CYP2U1: variants seen among roughly 807,000 people sequenced by gnomAD.
CYP2U1 encodes cytochrome P450 2U1.
In CYP2U1, 28 loss-of-function variants were observed where a neutral mutation model predicts 42.8. The ratio of observed to expected loss-of-function variants is 0.65; its 90% CI spans 0.48 to 0.90. The LOEUF (loss-of-function observed/expected upper bound fraction) is 0.90. Among genes scored for constraint, CYP2U1 ranks in the 40% least tolerant of loss-of-function variants. The pLI, the probability that CYP2U1 is intolerant of heterozygous loss-of-function variation, is 0.00. For synonymous variants in CYP2U1, 296 were observed against 278.9 expected, an observed-to-expected ratio of 1.06 and a Z score of -0.61; for missense variants, 642 against 693.8, an observed-to-expected ratio of 0.93 and a Z score of 0.84.
intron 1 of CYP2U1, among the ~76,000 whole-genome samples, chr4:107,944,483 T>G (rs1321074911): frequency 6.6e-6 from 1 of 151,060 alleles, no homozygotes; most frequent in Non-Finnish European, 1.5e-5. Context: ...TTTTTTTTTT[T>G]TAAATAGAGA....
intron 1 of CYP2U1, chr4:107,935,630 G>A (rs1428774384): frequency 2.0e-5 from 3 of 152,214 alleles, no homozygotes; most frequent in Admixed American, 6.5e-5. Context: ...AAGGGAGGAT[G>A]TGAATTTATT....
intron 1 of CYP2U1, among the ~76,000 whole-genome samples, chr4:107,942,614 A>G (rs1390968162): frequency 6.6e-6 from 1 of 152,202 alleles, no homozygotes; most frequent in Non-Finnish European, 1.5e-5. Context: ...AAGCCTGTAA[A>G]CTGGCCCACC....
chr4:107,949,357 A>G lies in CYP2U1; in HGVS notation c.1296A>G (p.Gln432=). 2 of 1,539,374 alleles carry G rather than the reference A, an allele frequency of 1.3e-6. No homozygotes were observed. Among genetic ancestry groups the G allele is most frequent in the Non-Finnish European group, 1.8e-6 (2 of 1,142,122 alleles). Residue 432 remains glutamine (Q), a synonymous_variant, in exon 4 of 5, where the codon CAA becomes CAG. Transcript: ENST00000332884. ...TGTTTCCTTTTGTTTTAGTGCTCCA[A>G]GGGTATACCATTCCTAAAGGCACAT... ...PHMTSENTVL[Q]GYTIPKGTLI... is the part of the protein sequence containing the mutation.
rs770399433 is a variant in CYP2U1, at chr4:107,947,548, G to T, written c.1288+11G>T. 5.0e-6 allele frequency: 8 copies of T among 1,613,408 alleles called. No homozygotes were observed. In the African/African-American group the frequency reaches 6.7e-5, roughly 13 times the overall value. ...CCTCAGAGAACACAGGCAAGTCCAG[G>T]GTCTTCCTCTTTGAATGCCCTTGAC... is the stretch of plus-strand genomic sequence containing the variant. On this transcript the variant is annotated intron_variant, in intron 3 of 4. Transcript: ENST00000332884.
At chr4:107,939,821 T>C (rs1314521010) in intron 1 of CYP2U1, among the ~76,000 whole-genome samples, 3 of 152,110 alleles carry the variant, frequency 2.0e-5, no homozygotes, top group Non-Finnish European at 4.4e-5. Context: ...GTAGATGATC[T>C]AGAGAGCCTT....
intron 1 of CYP2U1, chr4:107,937,307 A>C (rs1284101466): frequency 6.6e-6 from 1 of 152,212 alleles, no homozygotes; most frequent in African/African-American, 2.4e-5. Flanking sequence ...ATGTAATAAA[A>C]TAGGTATTTG....
intron 2 of CYP2U1, 118 bp downstream of exon 2, chr4:107,945,723 A>T (rs952652769): frequency 7.6e-7 from 1 of 1,312,406 alleles, no homozygotes; most frequent in Non-Finnish European, 1.0e-6. Flanking sequence ...TGGCAAACAA[A>T]TACTTGCAAC....
At position 107,952,048 on chromosome 4, in the gene CYP2U1, A is replaced by G. The variant is rs995811154; in HGVS notation, c.*1625A>G. On this transcript the variant is annotated 3_prime_UTR_variant, in exon 5 of 5. Transcript: ENST00000332884. ...GCTGGAGTTGTGTGTGTCTGTCTTC[A>G]TCCCAGGCTGAGCTCCTTGAGGTGA... 1 of 152,300 alleles carries G rather than the reference A, an allele frequency of 6.6e-6. No homozygotes were observed. Among genetic ancestry groups the G allele is most frequent in the African/African-American group, 2.4e-5 (1 of 41,426 alleles). 9.4% of individuals were successfully genotyped at this position (152,300 alleles called of 1,614,324 possible).
rs1733699137 is a variant in CYP2U1 at position 107,946,424 on chromosome 4, A to C, written c.1126+819A>C. Reference sequence around the variant, plus strand: ...TGGGCACACCCAGGTGACCAAGGATAATCTTCCAATCTCTGTGTCCTTAAG... The same window carrying C: ...TGGGCACACCCAGGTGACCAAGGATCATCTTCCAATCTCTGTGTCCTTAAG... On this transcript the variant is annotated intron_variant, in intron 2 of 4. Transcript: ENST00000332884. 2.0e-5 allele frequency among the ~76,000 whole-genome samples: 3 copies of C among 152,204 alleles called. No individual in the cohort carries two copies. The South Asian group carries it at 6.2e-4, about 32-fold the overall frequency.
In CYP2U1 at chr4:107,931,551, A is replaced by T; in HGVS notation, c.-93A>T. 1 of 1,173,252 alleles carries T rather than the reference A, an allele frequency of 8.5e-7. No homozygotes were observed. Among genetic ancestry groups the T allele is most frequent in the Non-Finnish European group, 1.1e-6 (1 of 942,340 alleles). The allele number at this position is 1,173,252 out of a possible 1,614,324, so 72.7% of individuals were successfully genotyped here. On this transcript the variant is annotated 5_prime_UTR_variant, in exon 1 of 5. Coordinates refer to ENST00000332884, the MANE Select transcript of CYP2U1 (RefSeq NM_183075.3). ...CCCCTGCCCGCCCCCGACCTTCCAGAGCAGAGCAGGACACTGGCGCCGCGG... is the reference window on the plus strand; with the variant it reads ...CCCCTGCCCGCCCCCGACCTTCCAGTGCAGAGCAGGACACTGGCGCCGCGG...
Position 107,932,152 on chromosome 4 carries a change from G to T in CYP2U1, c.490+19G>T. The T allele has an allele frequency of 6.3e-7, 1 of 1,595,024 alleles. No individual in the cohort carries two copies. ...GAGAAGGGTGAGCGGGAGGTCGTGG[G>T]CTGTGGGTACGCGGATGCCGCGGAT... On this transcript the variant is annotated intron_variant, in intron 1 of 4. Transcript: ENST00000332884.
chr4:107,943,371 AAG>A (rs1733567215), intron 1 of CYP2U1, among the ~76,000 whole-genome samples: 1 of 152,228 alleles, frequency 6.6e-6, no homozygotes, highest in South Asian at 2.1e-4. Context: ...AATTCTGAGG[AAG>A]TCCAATGGTA....
In CYP2U1 at chr4:107,951,543, A is replaced by C. The variant is rs1733905223; in HGVS notation, c.*1120A>C. On this transcript the variant is annotated 3_prime_UTR_variant, in exon 5 of 5. Coordinates refer to ENST00000332884, the MANE Select transcript of CYP2U1 (RefSeq NM_183075.3). Reference sequence around the variant, plus strand: ...GGGAGTTTGGAAATGTGTGGGTATGATTCTTGGTTATCATAATGATGGGGG... The same window carrying C: ...GGGAGTTTGGAAATGTGTGGGTATGCTTCTTGGTTATCATAATGATGGGGG... The C allele has an allele frequency of 6.6e-6, 1 of 152,214 alleles. No homozygotes were observed. The highest frequency in any genetic ancestry group is 1.5e-5 in the Non-Finnish European group (1 of 68,082). The allele number at this position is 152,214 out of a possible 1,614,324, so 9.4% of individuals were successfully genotyped here.
chr4:107,946,142 C>T (rs1733691189), intron 2 of CYP2U1, among the ~76,000 whole-genome samples: 1 of 152,196 alleles, frequency 6.6e-6, no homozygotes, highest in Non-Finnish European at 1.5e-5. Context: ...TCTTAGAGTT[C>T]TATACATTCT....
At chr4:107,934,248 A>G (rs1445696149) in intron 1 of CYP2U1, among the ~76,000 whole-genome samples, 1 of 148,666 alleles carries the variant, frequency 6.7e-6, no homozygotes, top group African/African-American at 2.5e-5. Context: ...GTACCCTGAG[A>G]TGCTTCCCTA....
intron 1 of CYP2U1, among the ~76,000 whole-genome samples, chr4:107,941,420 G>A (rs1733489468): frequency 1.3e-5 from 2 of 152,044 alleles, no homozygotes; most frequent in Admixed American, 1.3e-4. Flanking sequence ...GGCTTTGACC[G>A]TTATCAAGCT....
chr4:107,937,846 T>G (rs1354877617), intron 1 of CYP2U1: 1 of 152,202 alleles, frequency 6.6e-6, no homozygotes, highest in East Asian at 1.9e-4. Flanking sequence ...CTCCTTAAAA[T>G]GGAATAATTT....
At chr4:107,949,927 A>C (rs1343981395) in intron 4 of CYP2U1, among the ~76,000 whole-genome samples, 1 of 152,196 alleles carries the variant, frequency 6.6e-6, no homozygotes, top group Non-Finnish European at 1.5e-5. Context: ...TTTTGCCTTA[A>C]TCTTCCAGGC....
At chr4:107,932,178 G>A in intron 1 of CYP2U1, 45 bp downstream of exon 1, 1 of 1,564,592 alleles carries the variant, frequency 6.4e-7, no homozygotes, top group Non-Finnish European at 8.6e-7. Flanking sequence ...TGCCGCGGAT[G>A]AGTCTCCAGG....
Sources: gnomAD v4.1 joint callset for allele counts (sites outside exome capture counted in the v4.1 genomes callset) on GRCh38, gnomAD v4.1.1 for gene constraint, MANE v1.5 for transcripts, NCBI Gene and HGNC (gene_info 2026-07-23, HGNC 2026-07-21) for gene names.